The following ABCB1 variants were observed in gnomAD, a reference collection of about 807,000 sequenced individuals.
ABCB1 encodes the protein ATP-dependent translocase ABCB1.
Under a neutral mutation model 142.0 loss-of-function variants are expected in ABCB1, and 69 were observed. The observed-to-expected ratio is 0.49, with a 90% CI of 0.40 to 0.59. The LOEUF is 0.59. Ranked by LOEUF, ABCB1 falls within the 20% of genes least tolerant of loss-of-function variation. ABCB1 has a pLI of 0.00. For missense variants in ABCB1, 1,326 were observed against 1,554.7 expected (o/e 0.85, Z 2.47); for synonymous variants, 532 against 539.2 (o/e 0.99, Z 0.18).
upstream of ABCB1, among the ~76,000 whole-genome samples, chr7:87,603,496 A>G (rs891178820): frequency 6.6e-6 from 1 of 152,146 alleles, no homozygotes; most frequent in Non-Finnish European, 1.5e-5. Flanking sequence ...AAAACCTGCA[A>G]TGGCTCCCTG....
chr7:87,545,419 T>C (rs887885672), intron 15 of ABCB1, among the ~76,000 whole-genome samples: 34 of 152,384 alleles, frequency 2.2e-4, no homozygotes, highest in Non-Finnish European at 3.8e-4. Flanking sequence ...AAATTAATTT[T>C]AGTTATATAT....
chr7:87,701,865 C>T (rs981748072), intron 1 of ABCB1, among the ~76,000 whole-genome samples: 37 of 152,006 alleles, frequency 2.4e-4, no homozygotes, highest in African/African-American at 6.8e-4. Flanking sequence ...AGATACTGGC[C>T]GGGCGCGGTG....
At chr7:87,698,318 T>G (rs972767666) in intron 1 of ABCB1, among the ~76,000 whole-genome samples, 8 of 152,050 alleles carry the variant, frequency 5.3e-5, no homozygotes, top group Non-Finnish European at 1.0e-4. Flanking sequence ...GCCAGGATGG[T>G]CTCCTGACCA....
At chr7:87,600,318 C>G (rs760397286) in intron 1 of ABCB1, 128 bp from the exon 2 acceptor site, 21 of 762,392 alleles carry the variant, frequency 2.8e-5, no homozygotes, top group Non-Finnish European at 4.3e-5. Flanking sequence ...GATGCCCCAG[C>G]TGCTCTGGCC....
chr7:87,547,539 G>A (rs1816837294), intron 14 of ABCB1, among the ~76,000 whole-genome samples: 1 of 151,734 alleles, frequency 6.6e-6, no homozygotes, highest in South Asian at 2.1e-4. Context: ...ACCAGTCGGG[G>A]CAAGATAGTG....
At chr7:87,543,048 T>C (rs1816609208) in intron 17 of ABCB1, among the ~76,000 whole-genome samples, 1 of 152,190 alleles carries the variant, frequency 6.6e-6, no homozygotes, top group African/African-American at 2.4e-5. Context: ...AGGCCAGGCA[T>C]GGCAGCTCAT....
At position 87,684,619 on chromosome 7, in the gene ABCB1, G is replaced by T. The variant is rs765030166; in HGVS notation, c.-331+28542C>A. Among the ~76,000 whole-genome samples, 3 of 151,812 alleles carry T rather than the reference G, an allele frequency of 2.0e-5. No homozygotes were observed. In the East Asian group the frequency reaches 5.8e-4, roughly 29 times the overall value. On this transcript the variant is annotated intron_variant, in intron 1 of 28. Coordinates refer to the ABCB1 transcript ENST00000265724. ...AAAAATTAGTTGGGCATGGTAGCAC[G>T]TGCCTGTAGCCCCAGCTACGCAGGA...
At chr7:87,541,736 T>C (rs918651879) in intron 17 of ABCB1, among the ~76,000 whole-genome samples, 9 of 152,212 alleles carry the variant, frequency 5.9e-5, no homozygotes, top group African/African-American at 2.2e-4. Context: ...CTGTGTAAAG[T>C]TGAAATCAGA....
intron 9 of ABCB1, 36 bp from the exon 10 acceptor site, chr7:87,550,874 G>A (rs1269336767): frequency 1.5e-6 from 2 of 1,335,818 alleles, no homozygotes; most frequent in Non-Finnish European, 2.2e-6. Context: ...AGGCTACTGA[G>A]ATAGTGACAG....
intron 8 of ABCB1, among the ~76,000 whole-genome samples, chr7:87,558,777 G>T (rs1297380602): frequency 6.6e-6 from 1 of 151,622 alleles, no homozygotes; most frequent in African/African-American, 2.4e-5. Flanking sequence ...CTAGTTTTAC[G>T]AGTTTTTGTC....
intron 1 of ABCB1, among the ~76,000 whole-genome samples, chr7:87,628,214 T>C (rs956619256): frequency 6.6e-6 from 1 of 152,184 alleles, no homozygotes; most frequent in Non-Finnish European, 1.5e-5. Flanking sequence ...GCTAGCGGGC[T>C]GCGAAAGCGA....
intron 1 of ABCB1, among the ~76,000 whole-genome samples, chr7:87,660,240 G>A (rs1824552115): frequency 6.6e-6 from 1 of 152,064 alleles, no homozygotes. Flanking sequence ...GTGAGTGAGT[G>A]TATTTGTGTG....
At chr7:87,635,794 C>A (rs1298824933) in intron 1 of ABCB1, among the ~76,000 whole-genome samples, 1 of 152,188 alleles carries the variant, frequency 6.6e-6, no homozygotes, top group Non-Finnish European at 1.5e-5. Flanking sequence ...TGGTTTTTAA[C>A]ACCATGGTTT....
intron 1 of ABCB1, among the ~76,000 whole-genome samples, chr7:87,706,174 A>G (rs894900471): frequency 5.9e-5 from 9 of 152,206 alleles, no homozygotes; most frequent in Non-Finnish European, 5.9e-5. Context: ...CTTTCCATCC[A>G]ATAAATTTGC....
chr7:87,516,084 A>C (rs1815233898), intron 24 of ABCB1, among the ~76,000 whole-genome samples: 2 of 152,138 alleles, frequency 1.3e-5, no homozygotes. Flanking sequence ...TGTCTCTACA[A>C]ATAATTAAAA....
chr7:87,691,289 A>C (rs1827993991), intron 1 of ABCB1, among the ~76,000 whole-genome samples: 1 of 152,180 alleles, frequency 6.6e-6, no homozygotes, highest in Non-Finnish European at 1.5e-5. Flanking sequence ...GTCTGTCTTC[A>C]GTATTCAGTA....
chr7:87,505,824 C>A, intron 27 of ABCB1, 73 bp downstream of exon 27: 2 of 1,573,660 alleles, frequency 1.3e-6, no homozygotes, highest in Admixed American at 1.7e-5. Flanking sequence ...GCATTTTGTT[C>A]TTTACTATGG....
At chr7:87,556,043 TC>T (rs1817292883) in intron 8 of ABCB1, among the ~76,000 whole-genome samples, 1 of 152,198 alleles carries the variant, frequency 6.6e-6, no homozygotes, top group South Asian at 2.1e-4. Flanking sequence ...ATACTCCTTT[TC>T]CATAAGCTCT....
chr7:87,588,781 T>C (rs970063751), intron 3 of ABCB1, among the ~76,000 whole-genome samples: 3 of 152,238 alleles, frequency 2.0e-5, no homozygotes, highest in Non-Finnish European at 1.5e-5. Context: ...AGTGTATAAA[T>C]GTTCCTTTTT....
Sources: gnomAD v4.1 joint callset for allele counts (sites outside exome capture counted in the v4.1 genomes callset) on GRCh38, gnomAD v4.1.1 for gene constraint, MANE v1.5 for transcripts, NCBI Gene and HGNC (gene_info 2026-07-23, HGNC 2026-07-21) for gene names.